The following ARSB variants were observed in gnomAD, a reference collection of about 807,000 sequenced individuals.
The protein encoded by ARSB is N-acetylgalactosamine-4-sulfatase.
Under a neutral mutation model 50.9 loss-of-function variants are expected in ARSB, and 41 were observed. The observed-to-expected ratio is 0.81, with a 90% CI of 0.63 to 1.04. The LOEUF (loss-of-function observed/expected upper bound fraction) is 1.04, where lower values mean the gene tolerates loss of function less well. ARSB is among the 50% of genes least tolerant of loss of function. ARSB has a pLI of 0.00. For missense variants in ARSB, 672 were observed against 693.3 expected (o/e 0.97, Z 0.35); for synonymous variants, 269 against 284.8 (o/e 0.94, Z 0.56).
intron 4 of ARSB, among the ~76,000 whole-genome samples, chr5:78,911,117 G>A (rs1221311362): frequency 1.3e-5 from 2 of 152,170 alleles, no homozygotes; most frequent in African/African-American, 2.4e-5. Context: ...AGAATAGTCA[G>A]AAGTCACACA....
At chr5:78,816,098 C>G in intron 6 of ARSB, 11 of 1,614,118 alleles carry the variant, frequency 6.8e-6, no homozygotes, top group Non-Finnish European at 9.3e-6. Context: ...ACAACAGCAG[C>G]GAGCACTCAG....
intron 5 of ARSB, among the ~76,000 whole-genome samples, chr5:78,855,233 C>A (rs1340229908): frequency 6.6e-6 from 1 of 152,222 alleles, no homozygotes; most frequent in African/African-American, 2.4e-5. Context: ...GGTGATGTGT[C>A]ATTTCGGCTT....
intron 6 of ARSB, among the ~76,000 whole-genome samples, chr5:78,811,740 T>C (rs1056877659): frequency 2.6e-5 from 4 of 152,236 alleles, no homozygotes; most frequent in African/African-American, 9.6e-5. Context: ...GCAAAGTCTC[T>C]TATGGGTGTA....
intron 2 of ARSB, among the ~76,000 whole-genome samples, chr5:78,968,256 C>CATTCCA (rs1752289683): frequency 6.6e-6 from 1 of 150,792 alleles, no homozygotes; most frequent in Admixed American, 6.6e-5. Context: ...ATTGTGAATA[C>CATTCCA]ATTCCACAGG....
intron 4 of ARSB, among the ~76,000 whole-genome samples, chr5:78,945,862 T>C (rs776743289): frequency 6.6e-6 from 1 of 152,198 alleles, no homozygotes; most frequent in African/African-American, 2.4e-5. Context: ...GGCCAAGCCA[T>C]TCCCAACCTT....
At chr5:78,975,998 T>G (rs1277908040) in intron 1 of ARSB, among the ~76,000 whole-genome samples, 1 of 152,242 alleles carries the variant, frequency 6.6e-6, no homozygotes, top group Non-Finnish European at 1.5e-5. Flanking sequence ...TTGAACTAAA[T>G]GCAGTACACA....
At chr5:78,866,161 T>G (rs545887426) in intron 5 of ARSB, among the ~76,000 whole-genome samples, 3 of 152,348 alleles carry the variant, frequency 2.0e-5, no homozygotes, top group African/African-American at 7.2e-5. Context: ...TACCCAAGAC[T>G]GGGTAATTTA....
In ARSB at chr5:78,874,943, T is replaced by C. The variant is rs75212864; in HGVS notation, c.1142+10641A>G. Among the ~76,000 whole-genome samples the C allele has an allele frequency of 8.5e-3, 1,299 of 152,124 alleles. 26 individuals carry two copies. Among genetic ancestry groups the C allele is most frequent in the African/African-American group, 0.03 (1,246 of 41,490 alleles). ...AGGCAACATAGTGAGACCCTGCCTC[T>C]ACAAAATAAAAATTTAAAAATTAGC... On this transcript the variant is annotated intron_variant, in intron 5 of 7. Transcript: ENST00000264914.
chr5:78,878,444 C>T (rs2112182527), intron 5 of ARSB, among the ~76,000 whole-genome samples: 1 of 152,168 alleles, frequency 6.6e-6, no homozygotes, highest in Admixed American at 6.5e-5. Flanking sequence ...AGACAGAGCA[C>T]AGTACTCATA....
intron 4 of ARSB, among the ~76,000 whole-genome samples, chr5:78,941,127 T>C (rs1027952231): frequency 1.5e-4 from 22 of 150,690 alleles, no homozygotes; most frequent in Non-Finnish European, 3.0e-5. Flanking sequence ...TTTTTGTATA[T>C]TGATTTTGTA....
At position 78,905,282 on chromosome 5, in the gene ARSB, C is replaced by T. The variant is rs182237274; in HGVS notation, c.899-19455G>A. ...TATTTGGATGATCATCTCAAATGAG[C>T]TCATCACAGCTGAAATAATCTATTT... On this transcript the variant is annotated intron_variant, in intron 4 of 7. Coordinates refer to ENST00000264914, the MANE Select transcript of ARSB (RefSeq NM_000046.5). Among the ~76,000 whole-genome samples the T allele has an allele frequency of 2.1e-3, 320 of 151,028 alleles. 1 individual carries two copies. Among genetic ancestry groups the T allele is most frequent in the African/African-American group, 7.5e-3 (308 of 41,192 alleles).
At chr5:78,919,484 CATTT>C (rs202013064) in intron 4 of ARSB, among the ~76,000 whole-genome samples, 2 of 151,742 alleles carry the variant, frequency 1.3e-5, no homozygotes, top group Non-Finnish European at 2.9e-5. Flanking sequence ...TTCATTTATT[CATTT>C]ATTTATTTAT....
chr5:78,847,418 C>A (rs1194915821), intron 5 of ARSB, among the ~76,000 whole-genome samples: 3 of 152,182 alleles, frequency 2.0e-5, no homozygotes, highest in Admixed American at 6.5e-5. Context: ...TGAGACACCA[C>A]ACCTGGCTGT....
intron 2 of ARSB, among the ~76,000 whole-genome samples, chr5:78,967,687 A>G (rs1409487202): frequency 3.9e-5 from 6 of 152,170 alleles, no homozygotes; most frequent in Admixed American, 2.6e-4. Flanking sequence ...AAAAAAAAAA[A>G]AAGAAATTTC....
chr5:78,925,514 G>C (rs1270251895), intron 4 of ARSB, among the ~76,000 whole-genome samples: 1 of 151,986 alleles, frequency 6.6e-6, no homozygotes, highest in Non-Finnish European at 1.5e-5. Context: ...GAAGTAGCAA[G>C]ATTGAGAATT....
At chr5:78,860,249 T>C (rs546644513) in intron 5 of ARSB, among the ~76,000 whole-genome samples, 1 of 152,178 alleles carries the variant, frequency 6.6e-6, no homozygotes, top group Non-Finnish European at 1.5e-5. Flanking sequence ...TATTATTGTG[T>C]GGGAGTCTAA....
At chr5:78,792,542 T>C (rs1176895531) in intron 6 of ARSB, among the ~76,000 whole-genome samples, 2 of 152,190 alleles carry the variant, frequency 1.3e-5, no homozygotes, top group African/African-American at 4.8e-5. Flanking sequence ...ACAAGCTCTT[T>C]TTCTTATCTT....
chr5:78,898,939 T>G (rs1365612667), intron 4 of ARSB, among the ~76,000 whole-genome samples: 1 of 152,186 alleles, frequency 6.6e-6, no homozygotes, highest in Admixed American at 6.5e-5. Context: ...CACATTAGCG[T>G]TTTTTCTTTC....
At chr5:78,984,490 A>C (rs1357896027) in intron 1 of ARSB, among the ~76,000 whole-genome samples, 1 of 152,180 alleles carries the variant, frequency 6.6e-6, no homozygotes, top group Non-Finnish European at 1.5e-5. Flanking sequence ...CTCCTAACCT[A>C]TCACCGCTGG....
Sources: allele counts gnomAD v4.1 joint callset (sites outside exome capture counted in the v4.1 genomes callset), GRCh38; gene constraint gnomAD v4.1.1; transcripts MANE v1.5; gene names NCBI Gene and HGNC (gene_info 2026-07-23, HGNC 2026-07-21).